Variants in IL1A observed in about 807,000 individuals in gnomAD.
IL1A encodes interleukin-1 alpha.
Under a neutral mutation model 22.2 loss-of-function variants are expected in IL1A, and 16 were observed. The observed-to-expected ratio is 0.72, with a 90% CI of 0.49 to 1.09. The LOEUF (loss-of-function observed/expected upper bound fraction) is 1.09. Among genes scored for constraint, IL1A ranks in the 50% least tolerant of loss-of-function variants. The pLI, the probability that IL1A is intolerant of heterozygous loss-of-function variation, is 0.00. For missense variants in IL1A, 317 were observed against 321.8 expected (o/e 0.99, Z 0.11); for synonymous variants, 113 against 118.5 (o/e 0.95, Z 0.30).
chr2:112,775,268 C>T lies in IL1A; in HGVS notation c.616-1G>A, dbSNP rs886250113. The T allele has an allele frequency of 6.2e-7, 1 of 1,611,232 alleles. No homozygotes were observed. Among genetic ancestry groups the T allele is most frequent in the Non-Finnish European group, 8.5e-7 (1 of 1,177,420 alleles). On this transcript the variant is annotated splice_acceptor_variant, in intron 6 of 6. Coordinates refer to ENST00000263339, the MANE Select transcript of IL1A (RefSeq NM_000575.5). LOFTEE classifies it high-confidence loss of function. ...TGGTTTTGGGTATCTCAGGCATCTC[C>T]TATGAAGAAAAGAAGAGAATTCTGT...
rs1681054343 is a variant in IL1A, at chr2:112,774,108, T to G, written c.*959A>C. On this transcript the variant is annotated 3_prime_UTR_variant, in exon 7 of 7. Transcript: ENST00000263339. ...TTGTCAAAGTTGAGTTCATCTAATT[T>G]TAGCTTGTAGGACTTGATTGCAGGT... 6.8e-6 allele frequency: 1 copy of G among 146,812 alleles called. No homozygotes were observed. Among genetic ancestry groups the G allele is most frequent in the Non-Finnish European group, 1.5e-5 (1 of 66,922 alleles). The allele number at this position is 146,812 out of a possible 1,614,324, so 9.1% of individuals were successfully genotyped here.
At position 112,781,830 on chromosome 2, in the gene IL1A, T is replaced by A. The variant is rs1309989836; in HGVS notation, c.97-4A>T. 6.2e-7 allele frequency: 1 copy of A among 1,606,718 alleles called. No individual in the cohort carries two copies. The highest frequency in any genetic ancestry group is 1.7e-5 in the Admixed American group (1 of 60,018). On this transcript the variant is annotated splice_polypyrimidine_tract_variant and splice_region_variant and intron_variant, in intron 3 of 6. Transcript: ENST00000263339. ...AGCTTACATGATAGAAGGATTTCTG[T>A]GAGGAAGGAAAACAGAAGCTGAGAG...
In IL1A at chr2:112,775,067, C is replaced by T. The variant is rs1454747239; in HGVS notation, c.816G>A (p.Ter272=). ...AAGTGAGACAAGTGAGACTCCAGACCTACGCCTGGTTTTCCAGTATCTGAA... is the reference window on the plus strand; with the variant it reads ...AAGTGAGACAAGTGAGACTCCAGACTTACGCCTGGTTTTCCAGTATCTGAA... The part of the protein sequence containing the change: ...TDFQILENQA[*] The change falls in exon 7 of 7, where the codon TAG becomes TAA. Residue 272 remains the stop codon, a stop_retained_variant. Coordinates refer to ENST00000263339, the MANE Select transcript of IL1A (RefSeq NM_000575.5). 1 of 1,612,646 alleles carries T rather than the reference C, an allele frequency of 6.2e-7. No homozygotes were observed. Among genetic ancestry groups the T allele is most frequent in the Non-Finnish European group, 8.5e-7 (1 of 1,178,928 alleles).
At chr2:112,784,074 C>T (rs915143203) in intron 1 of IL1A, among the ~76,000 whole-genome samples, 2 of 152,212 alleles carry the variant, frequency 1.3e-5, no homozygotes, top group East Asian at 3.8e-4. Context: ...GTTACAAAAA[C>T]ACCACAAGAA....
intron 1 of IL1A, among the ~76,000 whole-genome samples, 167 bp from the exon 2 acceptor site, chr2:112,783,945 C>T (rs1681257904): frequency 6.6e-6 from 1 of 152,210 alleles, no homozygotes; most frequent in South Asian, 2.1e-4. Context: ...TGCTATGTAC[C>T]TGTCTCCTTT....
intron 5 of IL1A, 81 bp from the exon 6 acceptor site, chr2:112,778,192 TGG>T (rs1681133359): frequency 1.1e-6 from 1 of 945,406 alleles, no homozygotes; most frequent in Non-Finnish European, 1.6e-6. Context: ...TGTGTGTGCA[TGG>T]TGTGTGTGTG....
chr2:112,782,733 G>A lies in IL1A; in HGVS notation c.79C>T (p.His27Tyr), dbSNP rs1681234343. The change falls in exon 3 of 7, where the codon CAT becomes TAT. Residue 27 changes from histidine (H) to tyrosine (Y), a missense_variant. Coordinates refer to ENST00000263339, the MANE Select transcript of IL1A (RefSeq NM_000575.5). ...TTGCTTACCTGATTCAGAGACAGAT[G>A]ATCAATGGAGGAACTGTCTTCTTCA... Reference protein sequence around the residue: ...ENEEDSSSIDHLSLNQKSFYH... With the variant: ...ENEEDSSSIDYLSLNQKSFYH... 6.2e-7 allele frequency: 1 copy of A among 1,607,660 alleles called. No individual in the cohort carries two copies. The highest frequency in any genetic ancestry group is 1.3e-5 in the African/African-American group (1 of 74,832).
chr2:112,783,654 T>G (rs946831946), intron 2 of IL1A, 70 bp downstream of exon 2: 8 of 1,347,934 alleles, frequency 5.9e-6, no homozygotes, highest in African/African-American at 4.3e-5. Context: ...TGGCCACTGT[T>G]ATGCCTAGCT....
chr2:112,774,811 C>T lies in IL1A; in HGVS notation c.*256G>A. On this transcript the variant is annotated 3_prime_UTR_variant, in exon 7 of 7. Coordinates refer to ENST00000263339, the MANE Select transcript of IL1A (RefSeq NM_000575.5). ...TTTTTGGTAGCCATAGTCAGTAGCT[C>T]TGGTCCTCCTAAAATTGTTATGAAG... is the stretch of plus-strand genomic sequence containing the variant. The T allele has an allele frequency of 2.8e-6, 1 of 361,010 alleles. No individual in the cohort carries two copies. The allele number at this position is 361,010 out of a possible 1,614,324, so 22.4% of individuals were successfully genotyped here. A position where few individuals can be genotyped will look rare whatever the true frequency, so the allele number is the denominator to read the frequency against.
At chr2:112,783,601 A>G (rs1681251064) in intron 2 of IL1A, 123 bp downstream of exon 2, 1 of 763,348 alleles carries the variant, frequency 1.3e-6, no homozygotes, top group Non-Finnish European at 2.3e-6. Flanking sequence ...TGACTTCAGG[A>G]CTAGTACACA....
Position 112,775,039 on chromosome 2 carries a change from CACAAGTGAG to C in IL1A, c.*19_*27del, listed in dbSNP as rs767181984. The C allele has an allele frequency of 3.8e-6, 6 of 1,583,356 alleles. No individual in the cohort carries two copies. Among genetic ancestry groups the C allele is most frequent in the Non-Finnish European group, 4.3e-6 (5 of 1,152,942 alleles). ...TGGTACATATGAACTGTCAACACTG[CACAAGTGAG>C]ACAAGTGAGACTCCAGACCTACGCC... On this transcript the variant is annotated 3_prime_UTR_variant, in exon 7 of 7. Coordinates refer to ENST00000263339, the MANE Select transcript of IL1A (RefSeq NM_000575.5).
intron 4 of IL1A, 90 bp downstream of exon 4, chr2:112,781,514 C>T: frequency 3.0e-6 from 3 of 997,122 alleles, no homozygotes; most frequent in Non-Finnish European, 4.8e-6. Context: ...TCTTGTTATT[C>T]TGACTCCACG....
chr2:112,775,346 C>A, intron 6 of IL1A, 79 bp from the exon 7 acceptor site: 1 of 1,148,712 alleles, frequency 8.7e-7, no homozygotes, highest in South Asian at 1.3e-5. Flanking sequence ...TAGCATTTGG[C>A]CTTCATGAGA....
chr2:112,783,298 C>T (rs1681246459), intron 2 of IL1A, among the ~76,000 whole-genome samples: 1 of 152,190 alleles, frequency 6.6e-6, no homozygotes, highest in Admixed American at 6.5e-5. Flanking sequence ...TACCTTTCTT[C>T]TACATCTGAG....
intron 4 of IL1A, among the ~76,000 whole-genome samples, chr2:112,780,775 C>T (rs748623074): frequency 6.6e-6 from 1 of 152,150 alleles, no homozygotes; most frequent in Non-Finnish European, 1.5e-5. Context: ...CGGTGGCTCA[C>T]GCCTGTAATC....
In IL1A at chr2:112,777,649, A is replaced by G. The variant is rs78204797; in HGVS notation, c.615+338T>C. On this transcript the variant is annotated intron_variant, in intron 6 of 6. Transcript: ENST00000263339. The stretch of plus-strand genomic sequence containing the variant: ...TGGCTTATTTGAGTTTCTTGGAGGC[A>G]GGCCACATTGTCCTAATGTCTAGTA... 8.0e-3 allele frequency among the ~76,000 whole-genome samples: 1,214 copies of G among 152,348 alleles called. 17 individuals are homozygous for G. The highest frequency in any genetic ancestry group is 0.028 in the African/African-American group (1,155 of 41,580).
intron 6 of IL1A, among the ~76,000 whole-genome samples, chr2:112,775,811 T>A (rs1436865687): frequency 6.6e-6 from 1 of 152,138 alleles, no homozygotes; most frequent in Admixed American, 6.5e-5. Flanking sequence ...ATCAGTAAAC[T>A]CTTTCAATAT....
At chr2:112,781,250 G>A (rs77420224) in intron 4 of IL1A, among the ~76,000 whole-genome samples, 442 of 152,196 alleles carry the variant, frequency 2.9e-3, no homozygotes, top group Admixed American at 4.4e-3. Context: ...TACAGTAGAG[G>A]AAACTGAATC....
Position 112,783,709 on chromosome 2 carries a change from A to T in IL1A, c.47+15T>A, listed in dbSNP as rs370724677. On this transcript the variant is annotated intron_variant, in intron 2 of 6. Transcript: ENST00000263339. ...AACCCTCATTAAATCACAAGAGATAAATCTTATTCCTTACCTGTAACAGTT... is the reference window on the plus strand; with the variant it reads ...AACCCTCATTAAATCACAAGAGATATATCTTATTCCTTACCTGTAACAGTT... 1 of 1,608,958 alleles carries T rather than the reference A, an allele frequency of 6.2e-7. No homozygotes were observed. Among genetic ancestry groups the T allele is most frequent in the African/African-American group, 1.3e-5 (1 of 74,808 alleles).
Sources: gnomAD v4.1 joint callset for allele counts (sites outside exome capture counted in the v4.1 genomes callset) on GRCh38, gnomAD v4.1.1 for gene constraint, MANE v1.5 for transcripts, NCBI Gene and HGNC (gene_info 2026-07-23, HGNC 2026-07-21) for gene names.